RNGTT: variants seen among roughly 807,000 people sequenced by gnomAD.
RNGTT encodes the protein mRNA-capping enzyme.
A neutral mutation model predicts 79.3 loss-of-function variants in RNGTT; 33 were observed. That is an observed-to-expected ratio of 0.42 (90% CI 0.32 to 0.56). The LOEUF (loss-of-function observed/expected upper bound fraction) is 0.56. Among genes scored for constraint, RNGTT ranks in the 20% least tolerant of loss-of-function variants. RNGTT has a pLI of 0.17. For missense variants in RNGTT, 497 were observed against 739.1 expected (o/e 0.67, Z 3.80); for synonymous variants, 222 against 235.9 (o/e 0.94, Z 0.54).
intron 2 of RNGTT, among the ~76,000 whole-genome samples, chr6:88,930,120 A>G (rs941429943): frequency 2.1e-5 from 3 of 143,778 alleles, no homozygotes; most frequent in Non-Finnish European, 4.5e-5. Flanking sequence ...GTGTATACAT[A>G]TATACACGTA....
rs570402283 is a variant in RNGTT at position 88,782,632 on chromosome 6, A to C, written c.1339-12758T>G. ...AAGGTCACCTATGAAATGAGAAAAA[A>C]TAATCTTCAAACTATACATCCACAG... On this transcript the variant is annotated intron_variant, in intron 12 of 15. Transcript: ENST00000369485. 5.9e-5 allele frequency among the ~76,000 whole-genome samples: 9 copies of C among 152,292 alleles called. No individual in the cohort carries two copies. The South Asian group carries it at 1.7e-3, about 28-fold the overall frequency.
At chr6:88,770,652 A>C (rs1778623949) in intron 12 of RNGTT, among the ~76,000 whole-genome samples, 1 of 152,184 alleles carries the variant, frequency 6.6e-6, no homozygotes, top group Admixed American at 6.5e-5. Flanking sequence ...AATAACTAGG[A>C]GAGTGGAATG....
chr6:88,799,261 C>T (rs1028166301), intron 12 of RNGTT, among the ~76,000 whole-genome samples: 4 of 152,058 alleles, frequency 2.6e-5, no homozygotes, highest in African/African-American at 9.7e-5. Flanking sequence ...AATTAAACTC[C>T]TAACAAAAAT....
chr6:88,634,701 T>A (rs1348364474), intron 14 of RNGTT, among the ~76,000 whole-genome samples: 1 of 152,026 alleles, frequency 6.6e-6, no homozygotes, highest in Admixed American at 6.6e-5. Flanking sequence ...TTCATTAGAA[T>A]AAGTACTACA....
At chr6:88,837,432 A>T (rs939639493) in intron 11 of RNGTT, among the ~76,000 whole-genome samples, 7 of 152,138 alleles carry the variant, frequency 4.6e-5, no homozygotes, top group African/African-American at 1.7e-4. Context: ...GCTCTAGAAC[A>T]TATTTTTTTA....
chr6:88,958,888 G>GA (rs543386291), intron 1 of RNGTT, among the ~76,000 whole-genome samples: 122 of 152,260 alleles, frequency 8.0e-4, no homozygotes, highest in African/African-American at 2.8e-3. Flanking sequence ...GTCATTATCT[G>GA]AAAAAGCCAC....
chr6:88,811,580 G>T (rs1446792463), intron 11 of RNGTT, among the ~76,000 whole-genome samples: 4 of 152,084 alleles, frequency 2.6e-5, no homozygotes, highest in African/African-American at 4.8e-5. Flanking sequence ...AATAGAAACT[G>T]CAAAGTTACA....
chr6:88,786,859 CT>C (rs1347738605), intron 12 of RNGTT, among the ~76,000 whole-genome samples: 3 of 152,046 alleles, frequency 2.0e-5, no homozygotes, highest in Non-Finnish European at 4.4e-5. Context: ...GAGGTGGGAC[CT>C]TTGGGAGGTG....
chr6:88,864,840 A>AT (rs1232735406), intron 8 of RNGTT, among the ~76,000 whole-genome samples: 3 of 152,160 alleles, frequency 2.0e-5, no homozygotes, highest in African/African-American at 4.8e-5. Context: ...AGCCAGTCAC[A>AT]ACTGGACAAA....
chr6:88,814,685 G>A (rs186424840), intron 11 of RNGTT, among the ~76,000 whole-genome samples: 9 of 151,874 alleles, frequency 5.9e-5, no homozygotes. Context: ...ATGAATATAC[G>A]AATACAATGG....
intron 6 of RNGTT, among the ~76,000 whole-genome samples, chr6:88,895,117 C>T (rs940960796): frequency 3.3e-5 from 5 of 151,790 alleles, no homozygotes; most frequent in African/African-American, 1.2e-4. Context: ...ACAGAGTCAG[C>T]TAGCCTTAAA....
At chr6:88,639,488 A>T (rs1030236117) in intron 14 of RNGTT, among the ~76,000 whole-genome samples, 3 of 152,198 alleles carry the variant, frequency 2.0e-5, no homozygotes, top group Non-Finnish European at 4.4e-5. Flanking sequence ...TTTCACAGGC[A>T]GTTTACAAGC....
intron 11 of RNGTT, among the ~76,000 whole-genome samples, chr6:88,836,655 TTG>T (rs1471592859): frequency 6.6e-6 from 1 of 151,996 alleles, no homozygotes; most frequent in East Asian, 1.9e-4. Context: ...GGCGGGATGA[TTG>T]CTGAAGCCAA....
intron 2 of RNGTT, 109 bp from the exon 3 acceptor site, chr6:88,929,376 T>G: frequency 1.5e-6 from 1 of 673,346 alleles, no homozygotes; most frequent in Non-Finnish European, 2.6e-6. Flanking sequence ...TTGAGGGAGA[T>G]TCTGTATGTA....
At chr6:88,857,656 A>G (rs1304795299) in intron 8 of RNGTT, among the ~76,000 whole-genome samples, 1 of 152,182 alleles carries the variant, frequency 6.6e-6, no homozygotes, top group Non-Finnish European at 1.5e-5. Flanking sequence ...ATTAATATGG[A>G]AAGAGATTTA....
At chr6:88,803,447 G>C (rs777617300) in intron 11 of RNGTT, among the ~76,000 whole-genome samples, 2 of 151,352 alleles carry the variant, frequency 1.3e-5, no homozygotes, top group African/African-American at 4.9e-5. Context: ...GGTGGCGCGC[G>C]CCTGTAGTCC....
In RNGTT at chr6:88,698,169, C is replaced by CATATATATGATATATATATGAAAT. The variant is rs1562201915; in HGVS notation, c.1440-19774_1440-19751dup. Among the ~76,000 whole-genome samples the CATATATATGATATATATATGAAAT allele has an allele frequency of 3.1e-4, 20 of 65,118 alleles. No homozygotes were observed. In the African/African-American group the frequency reaches 4.3e-3, roughly 14 times the overall value. The allele number at this position is 65,118 out of a possible 152,430, so 42.7% of individuals were successfully genotyped here. The stretch of plus-strand genomic sequence containing the variant: ...TATGAAATACATATGATATATATGA[C>CATATATATGATATATATATGAAAT]ATATATATGATATATATATGAAATA... On this transcript the variant is annotated intron_variant, in intron 13 of 15. Coordinates refer to ENST00000369485, the MANE Select transcript of RNGTT (RefSeq NM_003800.5).
chr6:88,793,081 C>T (rs1023492524), intron 12 of RNGTT, among the ~76,000 whole-genome samples: 3 of 151,960 alleles, frequency 2.0e-5, no homozygotes, highest in Admixed American at 1.3e-4. Flanking sequence ...TAGAAATTAA[C>T]CATCCAATTA....
At chr6:88,710,125 T>C (rs1053827723) in intron 13 of RNGTT, among the ~76,000 whole-genome samples, 2 of 152,196 alleles carry the variant, frequency 1.3e-5, no homozygotes, top group Non-Finnish European at 2.9e-5. Context: ...CTGGGTGCAG[T>C]AGAGTGCACC....
Sources: allele counts gnomAD v4.1 joint callset (sites outside exome capture counted in the v4.1 genomes callset), GRCh38; gene constraint gnomAD v4.1.1; transcripts MANE v1.5; gene names NCBI Gene and HGNC (gene_info 2026-07-23, HGNC 2026-07-21).